Variants in PSMF1 observed in about 807,000 individuals in gnomAD.
The protein encoded by PSMF1 is proteasome inhibitor subunit 1, also known as proteasome inhibitor PI31 subunit.
PSMF1 carries 30 observed loss-of-function variants against 29.3 expected under a neutral mutation model. That is an observed-to-expected ratio of 1.02 (90% CI 0.77 to 1.39). The LOEUF (loss-of-function observed/expected upper bound fraction) is 1.39, where lower values mean the gene tolerates loss of function less well. Among genes scored for constraint, PSMF1 ranks in the 40% most tolerant of loss-of-function variants. PSMF1 has a pLI of 0.00. For missense variants in PSMF1, 344 were observed against 357.5 expected (o/e 0.96, Z 0.31); for synonymous variants, 134 against 139.7 (o/e 0.96, Z 0.29).
chr20:1,116,996 G>C (rs1216725120), upstream of PSMF1, among the ~76,000 whole-genome samples: 1 of 152,232 alleles, frequency 6.6e-6, no homozygotes, highest in Non-Finnish European at 1.5e-5. Flanking sequence ...GGAAGCTACT[G>C]CAATAGTCTA....
chr20:1,144,013 G>A (rs1002211749), intron 4 of PSMF1, among the ~76,000 whole-genome samples: 6 of 152,124 alleles, frequency 3.9e-5, no homozygotes, highest in African/African-American at 7.2e-5. Flanking sequence ...ACTTGAACCC[G>A]GGAGGCGGAG....
At chr20:1,136,208 A>G (rs994763099) in intron 4 of PSMF1, among the ~76,000 whole-genome samples, 1 of 152,224 alleles carries the variant, frequency 6.6e-6, no homozygotes, top group African/African-American at 2.4e-5. Context: ...AAGGTTGAAA[A>G]TGGCTTGTCT....
chr20:1,123,783 T>A (rs1305064786), intron 1 of PSMF1, among the ~76,000 whole-genome samples: 1 of 152,254 alleles, frequency 6.6e-6, no homozygotes, highest in Non-Finnish European at 1.5e-5. Flanking sequence ...GAAGGGGCTG[T>A]GCAAGTTTAA....
chr20:1,152,542 A>AG (rs1156632904), intron 4 of PSMF1, among the ~76,000 whole-genome samples: 3 of 152,240 alleles, frequency 2.0e-5, no homozygotes, highest in Admixed American at 2.0e-4. Flanking sequence ...GGCCAAGATC[A>AG]GGAGAATGGG....
chr20:1,157,281 A>G (rs1462519802), intron 4 of PSMF1, among the ~76,000 whole-genome samples: 1 of 152,190 alleles, frequency 6.6e-6, no homozygotes, highest in Non-Finnish European at 1.5e-5. Flanking sequence ...CACACCCAGG[A>G]TCAATATTTT....
chr20:1,134,556 C>G (rs2086277291), intron 3 of PSMF1, among the ~76,000 whole-genome samples: 1 of 152,162 alleles, frequency 6.6e-6, no homozygotes, highest in Admixed American at 6.5e-5. Flanking sequence ...CTCAGCCTGC[C>G]TCCACACCTC....
At chr20:1,118,454 C>A (rs2086033941), upstream of PSMF1, 1 of 250,934 alleles carries the variant, frequency 4.0e-6, no homozygotes, top group Admixed American at 5.3e-5. Flanking sequence ...CCGCGTCAGG[C>A]GATCCTGTCG....
At chr20:1,113,669 A>G (rs534926344), upstream of PSMF1, among the ~76,000 whole-genome samples, 2 of 145,316 alleles carry the variant, frequency 1.4e-5, no homozygotes, top group East Asian at 1.9e-4. Flanking sequence ...GCTGGGTTAC[A>G]TACTTTCTTC....
chr20:1,166,456 GTATC>G lies in PSMF1; in HGVS notation c.*1378_*1381del. 3.2e-6 allele frequency: 2 copies of G among 626,604 alleles called. No homozygotes were observed. The highest frequency in any genetic ancestry group is 5.6e-6 in the Non-Finnish European group (2 of 354,276). The allele number at this position is 626,604 out of a possible 1,614,324, so 38.8% of individuals were successfully genotyped here. On this transcript the variant is annotated 3_prime_UTR_variant, in exon 7 of 7. Coordinates refer to ENST00000335877, the MANE Select transcript of PSMF1 (RefSeq NM_006814.5). The stretch of plus-strand genomic sequence containing the variant: ...AGCAAGCTACTGTAGCTCTTCTGAG[GTATC>G]TGCCAGGCTGTTTTCTGTAGCCTCA...
At chr20:1,153,075 A>G (rs907051638) in intron 4 of PSMF1, among the ~76,000 whole-genome samples, 2 of 152,188 alleles carry the variant, frequency 1.3e-5, no homozygotes, top group African/African-American at 4.8e-5. Flanking sequence ...TCATTTCCCT[A>G]TCCTTACCAA....
intron 3 of PSMF1, among the ~76,000 whole-genome samples, chr20:1,130,072 C>T (rs540568244): frequency 2.6e-5 from 4 of 152,096 alleles, no homozygotes; most frequent in Non-Finnish European, 5.9e-5. Context: ...AAGCCATTCA[C>T]AAAAGGACAA....
intron 4 of PSMF1, among the ~76,000 whole-genome samples, chr20:1,156,681 G>A (rs1395104063): frequency 6.6e-6 from 1 of 151,996 alleles, no homozygotes; most frequent in Non-Finnish European, 1.5e-5. Flanking sequence ...CATTTCTAAA[G>A]GATATTAAGA....
intron 4 of PSMF1, among the ~76,000 whole-genome samples, chr20:1,144,507 A>G (rs1473373760): frequency 3.3e-5 from 5 of 152,244 alleles, no homozygotes; most frequent in Non-Finnish European, 7.3e-5. Flanking sequence ...TGTAATAGCC[A>G]AAAGCTGGAA....
chr20:1,157,944 C>T (rs185034562), intron 4 of PSMF1, among the ~76,000 whole-genome samples: 4 of 152,250 alleles, frequency 2.6e-5, no homozygotes, highest in South Asian at 2.1e-4. Flanking sequence ...TCCTTACCTC[C>T]GTTCTAGAGT....
chr20:1,135,159 T>C lies in PSMF1; in HGVS notation c.404T>C (p.Val135Ala), dbSNP rs2086287832. ...AGTGAGGAGCTTCGGTCTCGTATTGTGTCTGGAATCATCACACCTATCCAT... is the reference window on the plus strand; with the variant it reads ...AGTGAGGAGCTTCGGTCTCGTATTGCGTCTGGAATCATCACACCTATCCAT... ...KNSEELRSRIVSGIITPIHEQ... is the reference protein window; with the variant it reads ...KNSEELRSRIASGIITPIHEQ... The change falls in exon 4 of 7, where the codon GTG becomes GCG. Residue 135 changes from valine to alanine, a missense_variant. Coordinates refer to ENST00000335877, the MANE Select transcript of PSMF1 (RefSeq NM_006814.5). 1 of 1,614,158 alleles carries C rather than the reference T, an allele frequency of 6.2e-7. No individual in the cohort carries two copies. Among genetic ancestry groups the C allele is most frequent in the Non-Finnish European group, 8.5e-7 (1 of 1,180,036 alleles).
chr20:1,126,154 T>G (rs967267868), intron 2 of PSMF1, among the ~76,000 whole-genome samples: 17 of 152,228 alleles, frequency 1.1e-4, no homozygotes, highest in African/African-American at 4.1e-4. Flanking sequence ...CAAAAAAATC[T>G]AAATTATGTC....
At chr20:1,152,740 T>C (rs1279977746) in intron 4 of PSMF1, among the ~76,000 whole-genome samples, 1 of 152,166 alleles carries the variant, frequency 6.6e-6, no homozygotes, top group East Asian at 1.9e-4. Context: ...TGGTGGTATA[T>C]AAGGCAGGTG....
At chr20:1,156,092 A>G (rs1157045230) in intron 4 of PSMF1, among the ~76,000 whole-genome samples, 1 of 152,238 alleles carries the variant, frequency 6.6e-6, no homozygotes. Flanking sequence ...AGAAGAACCA[A>G]ATGGAGATTT....
intron 2 of PSMF1, 111 bp downstream of exon 2, chr20:1,125,761 C>A: frequency 7.4e-7 from 1 of 1,360,280 alleles, no homozygotes; most frequent in Non-Finnish European, 1.0e-6. Context: ...TAGCCCTTAC[C>A]TAGTGATCCC....
Sources: allele counts gnomAD v4.1 joint callset (sites outside exome capture counted in the v4.1 genomes callset), GRCh38; gene constraint gnomAD v4.1.1; transcripts MANE v1.5; gene names NCBI Gene and HGNC (gene_info 2026-07-23, HGNC 2026-07-21).